The following WWC2 variants were observed in gnomAD, a reference collection of about 807,000 sequenced individuals.
WWC2 encodes the protein WW and C2 domain containing 2.
WWC2 carries 101 observed loss-of-function variants against 138.5 expected under a neutral mutation model. The observed-to-expected ratio is 0.73, with a 90% CI of 0.62 to 0.86. The LOEUF is 0.86. WWC2 is among the 40% of genes least tolerant of loss of function. The pLI is 0.00. For missense variants in WWC2, 1,420 were observed against 1,419.4 expected (o/e 1.00, Z -0.01); for synonymous variants, 558 against 538.4 (o/e 1.04, Z -0.50).
intron 1 of WWC2, among the ~76,000 whole-genome samples, chr4:183,177,871 G>C (rs554490678): frequency 6.6e-6 from 1 of 152,096 alleles, no homozygotes; most frequent in Non-Finnish European, 1.5e-5. Context: ...AATCTGGCCA[G>C]CTGCCTCCAT....
Position 183,284,312 on chromosome 4 carries a change from G to A in WWC2, c.2970G>A (p.Gln990=). Residue 990 remains glutamine, a synonymous_variant, in exon 19 of 23, where the codon CAG becomes CAA. Transcript: ENST00000403733. ...PKERSSLSSR[Q]HPFVRSSVIV... ...AGCGCAGCAGCCTGAGCTCTAGACA[G>A]CATCCGTTTGTGAGGAGCAGTGTGA... 6.2e-7 allele frequency: 1 copy of A among 1,613,966 alleles called. No individual in the cohort carries two copies. The highest frequency in any genetic ancestry group is 8.5e-7 in the Non-Finnish European group (1 of 1,179,898).
Position 183,108,986 on chromosome 4 carries a change from A to C in WWC2, c.131+9364A>C, listed in dbSNP as rs147602675. On this transcript the variant is annotated intron_variant, in intron 1 of 22. Coordinates refer to ENST00000403733, the MANE Select transcript of WWC2 (RefSeq NM_024949.6). ...AAGTAAGTGTGGACTATATATGGCA[A>C]CTTTCCACACTAATTTTGTGGTTTT... is the stretch of plus-strand genomic sequence containing the variant. 3.2e-3 allele frequency among the ~76,000 whole-genome samples: 493 copies of C among 152,328 alleles called. 1 individual carries two copies. The highest frequency in any genetic ancestry group is 0.012 in the South Asian group (56 of 4,826).
chr4:183,164,960 A>G (rs972561297), intron 1 of WWC2, among the ~76,000 whole-genome samples: 2 of 152,210 alleles, frequency 1.3e-5, no homozygotes, highest in South Asian at 4.1e-4. Flanking sequence ...ACTAATAGTA[A>G]TAAGTACTGC....
intron 5 of WWC2, among the ~76,000 whole-genome samples, chr4:183,244,074 G>T (rs1046909193): frequency 6.6e-6 from 1 of 151,856 alleles, no homozygotes; most frequent in Non-Finnish European, 1.5e-5. Context: ...TAAACCAAAC[G>T]AGCTCAGAGC....
chr4:183,142,522 T>C (rs947110148), intron 1 of WWC2, among the ~76,000 whole-genome samples: 1 of 152,020 alleles, frequency 6.6e-6, no homozygotes, highest in African/African-American at 2.4e-5. Context: ...ACAAAGAGAG[T>C]GTGTATAGGT....
intron 1 of WWC2, among the ~76,000 whole-genome samples, chr4:183,162,364 A>G (rs1733986742): frequency 6.6e-6 from 1 of 152,212 alleles, no homozygotes. Flanking sequence ...CTCTGTTCTC[A>G]TAATTATTAA....
intron 21 of WWC2, among the ~76,000 whole-genome samples, chr4:183,308,754 T>G (rs1739107025): frequency 6.6e-6 from 1 of 152,240 alleles, no homozygotes; most frequent in East Asian, 1.9e-4. Flanking sequence ...ATTGTTATGC[T>G]ATATTTAATG....
chr4:183,202,529 C>G (rs1735330320), intron 2 of WWC2, among the ~76,000 whole-genome samples: 1 of 152,208 alleles, frequency 6.6e-6, no homozygotes, highest in Non-Finnish European at 1.5e-5. Context: ...ATCTGCTGAT[C>G]TGCCCCTGAC....
At chr4:183,142,334 C>CT (rs1203353505) in intron 1 of WWC2, among the ~76,000 whole-genome samples, 12 of 152,120 alleles carry the variant, frequency 7.9e-5, no homozygotes, top group Non-Finnish European at 2.9e-5. Context: ...CCCAAATATG[C>CT]TTTTTTGTTT....
chr4:183,303,217 TAA>T (rs1286590026), intron 21 of WWC2, among the ~76,000 whole-genome samples: 3 of 152,218 alleles, frequency 2.0e-5, no homozygotes. Context: ...TTGATTTAAT[TAA>T]TTCCTTTTGT....
rs372744318 is a variant in WWC2 at position 183,280,814 on chromosome 4, G to A, written c.2601G>A (p.Glu867=). ...VSALLARTSA[E]LLAVEQELAQ... Reference sequence around the variant, plus strand: ...CCTTACTTGCAAGAACATCAGCTGAGTTGTTAGCTGTGGAACAAGAATTAG... The same window carrying A: ...CCTTACTTGCAAGAACATCAGCTGAATTGTTAGCTGTGGAACAAGAATTAG... The change falls in exon 17 of 23, where the codon GAG becomes GAA. Residue 867 remains glutamate (E), a synonymous_variant. Coordinates refer to ENST00000403733, the MANE Select transcript of WWC2 (RefSeq NM_024949.6). The A allele has an allele frequency of 2.2e-5, 35 of 1,603,208 alleles. 1 individual carries two copies. The South Asian group carries it at 3.2e-4, about 14-fold the overall frequency.
rs548644727 is a variant in WWC2 at position 183,315,486 on chromosome 4, C to G, written c.3513-177C>G. 2.6e-5 allele frequency among the ~76,000 whole-genome samples: 4 copies of G among 152,222 alleles called. No individual in the cohort carries two copies. The East Asian group carries it at 5.8e-4, about 22-fold the overall frequency. On this transcript the variant is annotated intron_variant, in intron 22 of 22. Transcript: ENST00000403733. The stretch of plus-strand genomic sequence containing the variant: ...GAGCTGCTGTTCTCCTTGATACCCC[C>G]CCTTTAAGCAGGCAGAGGCTCTCCT...
chr4:183,135,357 C>T (rs887860592), intron 1 of WWC2, among the ~76,000 whole-genome samples: 9 of 152,018 alleles, frequency 5.9e-5, no homozygotes, highest in African/African-American at 2.2e-4. Flanking sequence ...ATTAGTTTTT[C>T]TCTCTACTAG....
intron 2 of WWC2, among the ~76,000 whole-genome samples, chr4:183,197,209 A>G (rs1735168805): frequency 6.6e-6 from 1 of 152,224 alleles, no homozygotes; most frequent in African/African-American, 2.4e-5. Flanking sequence ...TAAAATTTTA[A>G]GTCTGCTATT....
At chr4:183,190,087 A>G (rs1182917008) in intron 1 of WWC2, among the ~76,000 whole-genome samples, 6 of 152,196 alleles carry the variant, frequency 3.9e-5, no homozygotes, top group African/African-American at 1.2e-4. Flanking sequence ...GCATGGTGCA[A>G]AGGAAGACCT....
Position 183,284,233 on chromosome 4 carries a change from A to G in WWC2, c.2891A>G (p.Lys964Arg), listed in dbSNP as rs758042087. Reference protein sequence around the residue: ...PPTRIPTLVDKETNTDEAAND... With the variant: ...PPTRIPTLVDRETNTDEAAND... ...TGTTAACTTCTCTTATAGGTTGACAAAGAGACAAACACTGATGAAGCCGCT... is the reference window on the plus strand; with the variant it reads ...TGTTAACTTCTCTTATAGGTTGACAGAGAGACAAACACTGATGAAGCCGCT... The change falls in exon 19 of 23, where the codon AAA (lysine) becomes AGA (arginine). Residue 964 changes from lysine (K) to arginine (R), a missense_variant. By Grantham distance (26) the Lys-to-Arg change is conservative. Coordinates refer to ENST00000403733, the MANE Select transcript of WWC2 (RefSeq NM_024949.6). 7.4e-6 allele frequency: 12 copies of G among 1,613,386 alleles called. No homozygotes were observed. The highest frequency in any genetic ancestry group is 5.5e-5 in the South Asian group (5 of 91,066).
chr4:183,158,149 T>A (rs1244105549), intron 1 of WWC2, among the ~76,000 whole-genome samples: 4 of 152,194 alleles, frequency 2.6e-5, no homozygotes, highest in African/African-American at 9.7e-5. Context: ...TTGTTCCTGT[T>A]AGGGCTTATA....
chr4:183,193,585 C>T lies in WWC2; in HGVS notation c.132-14C>T. ...GGAAAGAATCACTGGTGTGTCAATT[C>T]TGGTTTGTTGTAGGTTAACGAAGCC... is the stretch of plus-strand genomic sequence containing the variant. On this transcript the variant is annotated splice_polypyrimidine_tract_variant and intron_variant, in intron 1 of 22. Transcript: ENST00000403733. 2 of 1,612,014 alleles carry T rather than the reference C, an allele frequency of 1.2e-6. No homozygotes were observed. Among genetic ancestry groups the T allele is most frequent in the Non-Finnish European group, 1.7e-6 (2 of 1,178,820 alleles).
intron 1 of WWC2, among the ~76,000 whole-genome samples, chr4:183,133,758 G>A (rs1259601003): frequency 2.0e-5 from 3 of 152,178 alleles, no homozygotes; most frequent in African/African-American, 4.8e-5. Flanking sequence ...GCCTCCCAAA[G>A]TGCTGGGATT....
Sources: allele counts gnomAD v4.1 joint callset (sites outside exome capture counted in the v4.1 genomes callset), GRCh38; gene constraint gnomAD v4.1.1; transcripts MANE v1.5; gene names NCBI Gene and HGNC (gene_info 2026-07-23, HGNC 2026-07-21).